UNC5D: variants seen among roughly 807,000 people sequenced by gnomAD.
UNC5D encodes the protein unc-5 netrin receptor D.
In UNC5D, 39 loss-of-function variants were observed where a neutral mutation model predicts 105.4. That is an observed-to-expected ratio of 0.37 (90% CI 0.29 to 0.48). The LOEUF is 0.48. Ranked by LOEUF, UNC5D falls within the 20% of genes least tolerant of loss-of-function variation. The pLI is 0.98. For missense variants in UNC5D, 991 were observed against 1,202.4 expected, an observed-to-expected ratio of 0.82 and a Z score of 2.60; for synonymous variants, 452 against 450.4, an observed-to-expected ratio of 1.00 and a Z score of -0.04.
chr8:35,238,459 G>C (rs1802604614), intron 1 of UNC5D, among the ~76,000 whole-genome samples: 1 of 152,204 alleles, frequency 6.6e-6, no homozygotes, highest in South Asian at 2.1e-4. Context: ...ATATTGTAAG[G>C]AAGGCACTCT....
chr8:35,748,578 TC>T lies in UNC5D; in HGVS notation c.1820del (p.Pro607LeufsTer4). On this transcript the variant is annotated frameshift_variant, in exon 12 of 17. Transcript: ENST00000404895. LOFTEE classifies it high-confidence loss of function. ...TCCTGAGTCCTGAAGTCACCTGTGG[TC>T]CTCCAGACATGATCGTCACCACTCC... Reference protein sequence around the residue: ...VLLSPEVTCGPPDMIVTTPFA... With the variant: ...VLLSPEVTCGXPDMIVTTPFA... The T allele has an allele frequency of 6.2e-7, 1 of 1,614,058 alleles. No individual in the cohort carries two copies. The highest frequency in any genetic ancestry group is 8.5e-7 in the Non-Finnish European group (1 of 1,179,938).
At chr8:35,710,201 G>A (rs560360254) in intron 8 of UNC5D, among the ~76,000 whole-genome samples, 106 of 152,268 alleles carry the variant, frequency 7.0e-4, no homozygotes, top group African/African-American at 2.4e-3. Flanking sequence ...AGATGATTGT[G>A]GCTTGAGCCA....
chr8:35,255,477 G>C (rs1011970924), intron 1 of UNC5D: 1 of 152,076 alleles, frequency 6.6e-6, no homozygotes, highest in Non-Finnish European at 1.5e-5. Flanking sequence ...TGTGTGGATA[G>C]ATTACTATTC....
intron 7 of UNC5D, among the ~76,000 whole-genome samples, chr8:35,704,596 A>T (rs140794780): frequency 3.3e-5 from 5 of 152,306 alleles, no homozygotes; most frequent in African/African-American, 1.2e-4. Flanking sequence ...AATGATTATC[A>T]ACAGCCTGGA....
intron 7 of UNC5D, among the ~76,000 whole-genome samples, chr8:35,696,855 C>T (rs191645486): frequency 3.5e-4 from 53 of 152,166 alleles, no homozygotes; most frequent in Non-Finnish European, 5.7e-4. Flanking sequence ...GGCCTTCTTA[C>T]GTGTGTTTAG....
chr8:35,324,287 T>C (rs1809984693), intron 1 of UNC5D, among the ~76,000 whole-genome samples: 1 of 147,530 alleles, frequency 6.8e-6, no homozygotes, highest in South Asian at 2.2e-4. Context: ...TCCTATTATC[T>C]ATTCATAATT....
chr8:35,672,827 C>T (rs12114774), intron 4 of UNC5D, among the ~76,000 whole-genome samples: 20,159 of 152,086 alleles, frequency 0.13, 2,932 homozygotes, highest in African/African-American at 0.36. Flanking sequence ...ATTTACTTGT[C>T]ATAATGAATT....
At chr8:35,355,580 A>G (rs894258891) in intron 1 of UNC5D, among the ~76,000 whole-genome samples, 1 of 152,132 alleles carries the variant, frequency 6.6e-6, no homozygotes. Context: ...GAACATTGTT[A>G]TGCAGTGCTA....
At chr8:35,251,367 C>T (rs1263613613) in intron 1 of UNC5D, among the ~76,000 whole-genome samples, 1 of 152,090 alleles carries the variant, frequency 6.6e-6, no homozygotes, top group East Asian at 1.9e-4. Context: ...TGAGAACTTT[C>T]GTGAGAACCA....
At chr8:35,353,574 T>C (rs759318338) in intron 1 of UNC5D, among the ~76,000 whole-genome samples, 4 of 152,198 alleles carry the variant, frequency 2.6e-5, no homozygotes, top group Non-Finnish European at 5.9e-5. Context: ...GCATACTATG[T>C]ATGGAAGAGG....
At chr8:35,462,899 C>T (rs192179654) in intron 1 of UNC5D, among the ~76,000 whole-genome samples, 1 of 152,310 alleles carries the variant, frequency 6.6e-6, no homozygotes, top group Admixed American at 6.5e-5. Flanking sequence ...GTTTCTTGAT[C>T]TCTCCTTACA....
chr8:35,676,905 T>C (rs1277677387), intron 4 of UNC5D, among the ~76,000 whole-genome samples: 2 of 83,510 alleles, frequency 2.4e-5, no homozygotes, highest in Non-Finnish European at 5.1e-5. Flanking sequence ...CATGAATATG[T>C]TTTTTTTTTG....
intron 1 of UNC5D, among the ~76,000 whole-genome samples, chr8:35,283,849 A>G (rs1243171926): frequency 1.3e-5 from 2 of 151,842 alleles, no homozygotes; most frequent in African/African-American, 2.4e-5. Flanking sequence ...AGAGATTCCT[A>G]AATTGTTTTA....
At chr8:35,725,411 A>G (rs968957651) in intron 9 of UNC5D, among the ~76,000 whole-genome samples, 1 of 152,182 alleles carries the variant, frequency 6.6e-6, no homozygotes, top group African/African-American at 2.4e-5. Flanking sequence ...ATGTTTTTGC[A>G]AAGATATTAT....
intron 1 of UNC5D, among the ~76,000 whole-genome samples, chr8:35,286,954 G>A (rs1346481629): frequency 6.6e-6 from 1 of 152,140 alleles, no homozygotes; most frequent in Non-Finnish European, 1.5e-5. Flanking sequence ...AGTCCAATCA[G>A]CAGCCTCACC....
intron 1 of UNC5D, among the ~76,000 whole-genome samples, chr8:35,317,745 A>T (rs1256491155): frequency 3.3e-5 from 5 of 151,734 alleles, no homozygotes; most frequent in South Asian, 4.2e-4. Flanking sequence ...GACGTAAATT[A>T]TATGTGTATA....
intron 11 of UNC5D, among the ~76,000 whole-genome samples, chr8:35,746,628 T>C (rs756478112): frequency 1.3e-5 from 2 of 151,990 alleles, no homozygotes; most frequent in Non-Finnish European, 2.9e-5. Context: ...GTGAAAGGAG[T>C]CTTGCTATTC....
intron 1 of UNC5D, among the ~76,000 whole-genome samples, chr8:35,303,227 C>G (rs1011005678): frequency 1.3e-5 from 2 of 152,074 alleles, no homozygotes; most frequent in African/African-American, 4.8e-5. Flanking sequence ...ATCTGCATTA[C>G]AATTTTATAA....
At chr8:35,276,493 G>GTCA (rs1407061834) in intron 1 of UNC5D, among the ~76,000 whole-genome samples, 1 of 152,204 alleles carries the variant, frequency 6.6e-6, no homozygotes, top group Non-Finnish European at 1.5e-5. Flanking sequence ...GCACTTTCAA[G>GTCA]TCATCAGCAT....
Sources: allele counts gnomAD v4.1 joint callset (sites outside exome capture counted in the v4.1 genomes callset), GRCh38; gene constraint gnomAD v4.1.1; transcripts MANE v1.5; gene names NCBI Gene and HGNC (gene_info 2026-07-23, HGNC 2026-07-21).